Variants in CD1A observed in about 807,000 individuals in gnomAD.
CD1A encodes the protein CD1a molecule, also known as T-cell surface glycoprotein CD1a.
CD1A carries 50 observed loss-of-function variants against 38.3 expected under a neutral mutation model. The observed-to-expected ratio is 1.30, with a 90% CI of 1.04 to 1.65. The LOEUF is 1.65. Among genes scored for constraint, CD1A ranks in the 40% most tolerant of loss-of-function variants. The pLI is 0.00. For synonymous variants in CD1A, 160 were observed against 150.8 expected (o/e 1.06, Z -0.45); for missense variants, 459 against 406.1 (o/e 1.13, Z -1.12).
At position 158,257,850 on chromosome 1, in the gene CD1A, T is replaced by C; in HGVS notation, c.*160T>C. On this transcript the variant is annotated 3_prime_UTR_variant, in exon 6 of 6. Transcript: ENST00000289429. The stretch of plus-strand genomic sequence containing the variant: ...TGCTTGTTTCTGATTAATGATTGTT[T>C]GTCAATATAAGCTCAATTTAATTTT... The C allele has an allele frequency of 1.5e-6, 1 of 664,920 alleles. No homozygotes were observed. 41.2% of individuals were successfully genotyped at this position (664,920 alleles called of 1,614,324 possible). A position where few individuals can be genotyped will look rare whatever the true frequency, so the allele number is the denominator to read the frequency against.
chr1:158,257,126 G>T, intron 4 of CD1A, 62 bp downstream of exon 4: 2 of 1,529,750 alleles, frequency 1.3e-6, no homozygotes, highest in Non-Finnish European at 1.8e-6. Context: ...CATAGAGGGA[G>T]GGCAAGCTGA....
rs775376808 is a variant in CD1A at position 158,257,028 on chromosome 1, A to G, written c.847A>G (p.Ser283Gly). ...AADLSCRVKHSSLEGQDIVLY... is the reference protein window; with the variant it reads ...AADLSCRVKHGSLEGQDIVLY... ...TGACCTGTCCTGTCGGGTGAAGCAC[A>G]GCAGTCTAGAGGGCCAGGACATCGT... Residue 283 changes from serine (S) to glycine (G), a missense_variant, in exon 4 of 6, where the codon AGC (serine) becomes GGC (glycine). Physicochemically the swap from Ser to Gly is moderately conservative, Grantham distance 56 (BLOSUM62 0). Transcript: ENST00000289429. 5.5e-5 allele frequency: 89 copies of G among 1,613,846 alleles called. No individual in the cohort carries two copies. The South Asian group carries it at 9.3e-4, about 17-fold the overall frequency.
intron 2 of CD1A, 57 bp from the exon 3 acceptor site, chr1:158,255,947 T>G: frequency 6.6e-7 from 1 of 1,512,034 alleles, no homozygotes; most frequent in Non-Finnish European, 9.0e-7. Flanking sequence ...AATCTTTGCT[T>G]CTACTCATTT....
intron 1 of CD1A, 54 bp downstream of exon 1, chr1:158,254,781 CTCTCTGTGTGTGTGTGTG>C: frequency 1.9e-6 from 2 of 1,038,420 alleles, no homozygotes. Context: ...CTCTCTCTCT[CTCTCTGTGTGTGTGTGTG>C]TGTGTGTGTG....
At chr1:158,252,180 A>G (rs557261385), upstream of CD1A, among the ~76,000 whole-genome samples, 27 of 147,498 alleles carry the variant, frequency 1.8e-4, no homozygotes, top group South Asian at 5.9e-3. Context: ...TCTGGTTGGG[A>G]CTTACTACCC....
intron 2 of CD1A, among the ~76,000 whole-genome samples, chr1:158,255,697 A>G (rs937377813): frequency 6.6e-6 from 1 of 152,226 alleles, no homozygotes; most frequent in African/African-American, 2.4e-5. Flanking sequence ...TATATACTCA[A>G]TTGTAACCCA....
At chr1:158,254,860 G>T in intron 1 of CD1A, 133 bp downstream of exon 1, 1 of 915,114 alleles carries the variant, frequency 1.1e-6, no homozygotes, top group Non-Finnish European at 1.8e-6. Flanking sequence ...CCTGGAAAGT[G>T]AGAGTGCCAG....
Position 158,256,221 on chromosome 1 carries a change from C to T in CD1A, c.543C>T (p.Asp181=), listed in dbSNP as rs1220749559. 6.2e-7 allele frequency: 1 copy of T among 1,614,042 alleles called. No individual in the cohort carries two copies. Among genetic ancestry groups the T allele is most frequent in the African/African-American group, 1.3e-5 (1 of 74,928 alleles). Residue 181 remains aspartate (D), a synonymous_variant, in exon 3 of 6, where the codon GAC becomes GAT. Transcript: ENST00000289429. ...ACATAACACACAATCTTCTCAGTGA[C>T]ACCTGCCCACGTTTCATCTTGGGTC... ...ENDITHNLLS[D]TCPRFILGLL...
chr1:158,255,593 T>C (rs1171223730), intron 2 of CD1A, among the ~76,000 whole-genome samples: 2 of 152,212 alleles, frequency 1.3e-5, no homozygotes, highest in Non-Finnish European at 2.9e-5. Flanking sequence ...TATCTTTTCT[T>C]ACAGGTATCC....
upstream of CD1A, among the ~76,000 whole-genome samples, chr1:158,253,717 G>T (rs888703996): frequency 6.6e-6 from 1 of 152,038 alleles, no homozygotes; most frequent in African/African-American, 2.4e-5. Context: ...CAAAATTCTG[G>T]GCTGGCGTAC....
chr1:158,256,791 C>A lies in CD1A; in HGVS notation c.610C>A (p.Pro204Thr), dbSNP rs747521428. The A allele has an allele frequency of 6.2e-7, 1 of 1,613,782 alleles. No homozygotes were observed. Among genetic ancestry groups the A allele is most frequent in the African/African-American group, 1.3e-5 (1 of 74,938 alleles). Residue 204 changes from proline (P) to threonine (T), a missense_variant, in exon 4 of 6, where the codon CCC becomes ACC. Physicochemically the swap from Pro to Thr is conservative, Grantham distance 38. Coordinates refer to ENST00000289429, the MANE Select transcript of CD1A (RefSeq NM_001763.3). ...GKAHLQRQVK[P>T]EAWLSHGPSP... ...ATCTTTTCTGTCCTTTGCAGTGAAG[C>A]CCGAGGCCTGGCTGTCCCATGGCCC...
At chr1:158,252,048 CTCGA>C (rs1650102408), upstream of CD1A, among the ~76,000 whole-genome samples, 1 of 151,868 alleles carries the variant, frequency 6.6e-6, no homozygotes, top group African/African-American at 2.4e-5. Context: ...CCAGGTTGGT[CTCGA>C]ACTCCTGACC....
chr1:158,248,388 T>C, the CD1A span: 9 of 985,210 alleles, frequency 9.1e-6, no homozygotes, highest in Non-Finnish European at 1.1e-5. Context: ...TTAGGAGCCA[T>C]GTTTGCGTTT....
chr1:158,254,492 A>G lies in CD1A; in HGVS notation c.-178A>G, dbSNP rs366316. 0.26 allele frequency: 367,652 copies of G among 1,435,194 alleles called. 50,517 individuals carry two copies. The highest frequency in any genetic ancestry group is 0.52 in the African/African-American group (36,015 of 69,756). 88.9% of individuals were successfully genotyped at this position (1,435,194 alleles called of 1,614,324 possible). A position where few individuals can be genotyped will look rare whatever the true frequency, so the allele number is the denominator to read the frequency against. On this transcript the variant is annotated 5_prime_UTR_variant, in exon 1 of 6. Coordinates refer to ENST00000289429, the MANE Select transcript of CD1A (RefSeq NM_001763.3). ...AGAGTCAGAACCAGAGGGAAATGAG[A>G]GACTGAGTAGGCATCTCAGGGTTTT...
chr1:158,252,635 TA>T (rs532725451), upstream of CD1A, among the ~76,000 whole-genome samples: 118 of 151,754 alleles, frequency 7.8e-4, no homozygotes, highest in African/African-American at 2.5e-3. Context: ...ATCTTAACTT[TA>T]AAAAAATTAT....
In CD1A at chr1:158,256,286, A is replaced by C. The variant is rs777067105; in HGVS notation, c.604+4A>C. 1.1e-5 allele frequency: 18 copies of C among 1,607,482 alleles called. No homozygotes were observed. Among genetic ancestry groups the C allele is most frequent in the Non-Finnish European group, 1.5e-5 (18 of 1,175,710 alleles). ...AAGGCACATCTCCAGCGGCAAGGTC[A>C]GTCCTGCACTCTCCCTCCAAGAAGT... On this transcript the variant is annotated splice_donor_region_variant and intron_variant, in intron 3 of 5. Coordinates refer to ENST00000289429, the MANE Select transcript of CD1A (RefSeq NM_001763.3).
At chr1:158,255,968 T>G in intron 2 of CD1A, 36 bp from the exon 3 acceptor site, 1 of 1,580,834 alleles carries the variant, frequency 6.3e-7, no homozygotes, top group Non-Finnish European at 8.6e-7. Flanking sequence ...CATTTTATAT[T>G]TTTTTCTCCC....
chr1:158,249,116 T>C, the CD1A span, among the ~76,000 whole-genome samples: 1 of 152,232 alleles, frequency 6.6e-6, no homozygotes, highest in East Asian at 1.9e-4. Flanking sequence ...TCTCAATTAG[T>C]TAATTCTCTT....
At chr1:158,255,722 A>C (rs536482993) in intron 2 of CD1A, among the ~76,000 whole-genome samples, 13 of 152,170 alleles carry the variant, frequency 8.5e-5, no homozygotes, top group African/African-American at 3.1e-4. Context: ...ATTTAATTCA[A>C]CCTAAGTTGT....
Sources: gnomAD v4.1 joint callset for allele counts (sites outside exome capture counted in the v4.1 genomes callset) on GRCh38, gnomAD v4.1.1 for gene constraint, MANE v1.5 for transcripts, NCBI Gene and HGNC (gene_info 2026-07-23, HGNC 2026-07-21) for gene names.